CYP7B1: variants seen among roughly 807,000 people sequenced by gnomAD.
CYP7B1 encodes the protein cytochrome P450 family 7 subfamily B member 1.
A neutral mutation model predicts 42.7 loss-of-function variants in CYP7B1; 29 were observed. The ratio of observed to expected loss-of-function variants is 0.68; its 90% confidence interval spans 0.51 to 0.93. CYP7B1 has a LOEUF of 0.93. Ranked by LOEUF, CYP7B1 falls within the 40% of genes least tolerant of loss-of-function variation. The probability of loss-of-function intolerance (pLI) is 0.00; values close to 1 mark genes in which losing one functional copy is unlikely to be tolerated. For synonymous variants in CYP7B1, 235 were observed against 218.2 expected, an observed-to-expected ratio of 1.08 and a Z score of -0.68; for missense variants, 655 against 600.5, an observed-to-expected ratio of 1.09 and a Z score of -0.95.
At chr8:64,614,968 T>A in intron 4 of CYP7B1, 58 bp downstream of exon 4, 1 of 1,571,486 alleles carries the variant, frequency 6.4e-7, no homozygotes. Context: ...CTATGAGTGA[T>A]AAACCGAGTT....
At chr8:64,617,463 T>C (rs1218244369) in intron 2 of CYP7B1, among the ~76,000 whole-genome samples, 7 of 152,184 alleles carry the variant, frequency 4.6e-5, no homozygotes, top group Non-Finnish European at 1.5e-5. Context: ...TTTTCAGTGG[T>C]AGACCCTTGA....
At chr8:64,774,823 C>T (rs1804296130) in intron 1 of CYP7B1, among the ~76,000 whole-genome samples, 1 of 152,100 alleles carries the variant, frequency 6.6e-6, no homozygotes. Context: ...CAACTGTTTG[C>T]CTCCAAAACT....
chr8:64,605,474 T>C (rs1375065798), intron 4 of CYP7B1, among the ~76,000 whole-genome samples: 3 of 152,216 alleles, frequency 2.0e-5, no homozygotes, highest in Admixed American at 2.0e-4. Context: ...GGCACCATCA[T>C]ATCCTGGAAG....
At chr8:64,695,169 G>A (rs1017188051) in intron 1 of CYP7B1, among the ~76,000 whole-genome samples, 3 of 152,184 alleles carry the variant, frequency 2.0e-5, no homozygotes, top group Non-Finnish European at 4.4e-5. Flanking sequence ...GAAACGAGCA[G>A]GTGGTTTCAG....
chr8:64,742,875 C>T (rs1476996284), intron 1 of CYP7B1, among the ~76,000 whole-genome samples: 2 of 152,184 alleles, frequency 1.3e-5, no homozygotes, highest in Non-Finnish European at 2.9e-5. Context: ...TAATTTCCTA[C>T]TCTTTGCATA....
intron 1 of CYP7B1, among the ~76,000 whole-genome samples, chr8:64,760,775 A>G (rs1166325844): frequency 6.6e-6 from 1 of 152,120 alleles, no homozygotes; most frequent in Non-Finnish European, 1.5e-5. Context: ...TATACCCATT[A>G]CGTAAAACAG....
chr8:64,648,060 C>T (rs1805981216), intron 1 of CYP7B1, among the ~76,000 whole-genome samples: 1 of 152,094 alleles, frequency 6.6e-6, no homozygotes, highest in South Asian at 2.1e-4. Flanking sequence ...TTGTGTCAAG[C>T]ACTATAATAG....
intron 1 of CYP7B1, among the ~76,000 whole-genome samples, chr8:64,753,966 C>T (rs1169897055): frequency 6.6e-6 from 1 of 151,788 alleles, no homozygotes; most frequent in East Asian, 1.9e-4. Context: ...AACAAAGATG[C>T]CAGTGTGGTT....
chr8:64,614,276 G>A (rs1211019348), intron 4 of CYP7B1, among the ~76,000 whole-genome samples: 8 of 152,058 alleles, frequency 5.3e-5, no homozygotes, highest in African/African-American at 1.7e-4. Flanking sequence ...AGTCATTGAG[G>A]TACAGACCTA....
At position 64,616,078 on chromosome 8, in the gene CYP7B1, C is replaced by T. The variant is rs1805440999; in HGVS notation, c.463G>A (p.Glu155Lys). ...LQGKSLDILLESMMQNLKQVF... is the reference protein window; with the variant it reads ...LQGKSLDILLKSMMQNLKQVF... ...TGTTTTAGATTCTGCATCATGCTTT[C>T]CAAGAGTATGTCCAAAGATTTGCCT... The change falls in exon 3 of 6, where the codon GAA becomes AAA. Residue 155 changes from glutamate (E) to lysine (K), a missense_variant. Transcript: ENST00000310193. 6.2e-7 allele frequency: 1 copy of T among 1,613,646 alleles called. No homozygotes were observed. Among genetic ancestry groups the T allele is most frequent in the Admixed American group, 1.7e-5 (1 of 59,950 alleles).
At chr8:64,765,750 G>T in intron 1 of CYP7B1, among the ~76,000 whole-genome samples, 1 of 152,120 alleles carries the variant, frequency 6.6e-6, no homozygotes, top group East Asian at 1.9e-4. Context: ...GCATCCCTAT[G>T]TTCTTTTTCC....
chr8:64,740,995 A>G (rs1471070419), intron 1 of CYP7B1, among the ~76,000 whole-genome samples: 5 of 152,146 alleles, frequency 3.3e-5, no homozygotes, highest in Non-Finnish European at 7.4e-5. Flanking sequence ...TGAGGCCAGC[A>G]TCACTCTAAT....
intron 1 of CYP7B1, among the ~76,000 whole-genome samples, chr8:64,691,479 A>C (rs1424383002): frequency 5.0e-5 from 2 of 39,688 alleles, no homozygotes; most frequent in Admixed American, 5.7e-4. Flanking sequence ...TTGCGATGGC[A>C]ACTGGGGGGG....
At chr8:64,693,158 G>C (rs1019241626) in intron 1 of CYP7B1, among the ~76,000 whole-genome samples, 31 of 152,334 alleles carry the variant, frequency 2.0e-4, no homozygotes, top group African/African-American at 7.0e-4. Context: ...GACATGATCT[G>C]CATGACAGAG....
intron 1 of CYP7B1, among the ~76,000 whole-genome samples, chr8:64,627,310 T>C (rs1805623020): frequency 6.6e-6 from 1 of 152,204 alleles, no homozygotes; most frequent in Admixed American, 6.5e-5. Context: ...TATCCAAAGA[T>C]TGAACAAGAG....
At chr8:64,731,656 G>A (rs1019180366) in intron 1 of CYP7B1, among the ~76,000 whole-genome samples, 1 of 152,216 alleles carries the variant, frequency 6.6e-6, no homozygotes, top group Non-Finnish European at 1.5e-5. Context: ...AGACAGTGGG[G>A]AAAATGTCTC....
chr8:64,774,659 A>G (rs1487446668), intron 1 of CYP7B1, among the ~76,000 whole-genome samples: 1 of 152,204 alleles, frequency 6.6e-6, no homozygotes, highest in African/African-American at 2.4e-5. Context: ...TAGTCTTTGT[A>G]ACTCGGCTAT....
Position 64,640,037 on chromosome 8 carries a change from C to G in CYP7B1, c.123-15498G>C, listed in dbSNP as rs368604577. ...TGATTAAACCCCCAAAAGCATTATG[C>G]TAAGACAAAGAAACCAGACACCTGA... On this transcript the variant is annotated intron_variant, in intron 1 of 5. Coordinates refer to ENST00000310193, the MANE Select transcript of CYP7B1 (RefSeq NM_004820.5). 6.8e-4 allele frequency among the ~76,000 whole-genome samples: 103 copies of G among 152,154 alleles called. 1 individual carries two copies. In the South Asian group the frequency reaches 0.018, roughly 26 times the overall value.
chr8:64,755,607 C>T (rs1391229911), intron 1 of CYP7B1, among the ~76,000 whole-genome samples: 2 of 151,896 alleles, frequency 1.3e-5, no homozygotes, highest in African/African-American at 4.8e-5. Flanking sequence ...TTAGTAGAGA[C>T]GGGGTTTCAC....
Sources: gnomAD v4.1 joint callset for allele counts (sites outside exome capture counted in the v4.1 genomes callset) on GRCh38, gnomAD v4.1.1 for gene constraint, MANE v1.5 for transcripts, NCBI Gene and HGNC (gene_info 2026-07-23, HGNC 2026-07-21) for gene names.